NDST3: variants seen among roughly 807,000 people sequenced by gnomAD.
NDST3 encodes the protein bifunctional heparan sulfate N-deacetylase/N-sulfotransferase 3.
Under a neutral mutation model 96.1 loss-of-function variants are expected in NDST3, and 58 were observed. That is an observed-to-expected ratio of 0.60 (90% CI 0.49 to 0.75). The LOEUF is 0.75. Ranked by LOEUF, NDST3 falls within the 30% of genes least tolerant of loss-of-function variation. The pLI is 0.00. For synonymous variants in NDST3, 333 were observed against 359.7 expected (o/e 0.93, Z 0.84); for missense variants, 788 against 1,034.2 (o/e 0.76, Z 3.27).
At chr4:118,166,790 T>C (rs1480440692) in intron 6 of NDST3, among the ~76,000 whole-genome samples, 7 of 151,886 alleles carry the variant, frequency 4.6e-5, no homozygotes, top group Admixed American at 2.0e-4. Flanking sequence ...TAATTAAGGA[T>C]AAAAATGTTA....
chr4:118,209,708 G>A (rs1738665867), intron 6 of NDST3, among the ~76,000 whole-genome samples: 2 of 152,168 alleles, frequency 1.3e-5, no homozygotes, highest in Non-Finnish European at 2.9e-5. Context: ...CCTCATCACT[G>A]TACCTTTGAA....
At chr4:118,110,966 T>C (rs1448332940) in intron 3 of NDST3, among the ~76,000 whole-genome samples, 4 of 152,134 alleles carry the variant, frequency 2.6e-5, no homozygotes, top group Non-Finnish European at 5.9e-5. Flanking sequence ...ATATACTCCA[T>C]GGAATACTAC....
intron 6 of NDST3, chr4:118,193,646 A>T: frequency 7.7e-7 from 1 of 1,297,966 alleles, no homozygotes; most frequent in Non-Finnish European, 1.1e-6. Context: ...GAGCTGCAAG[A>T]CCTTCTGGAA....
chr4:118,093,671 A>G (rs1447435470), intron 2 of NDST3, among the ~76,000 whole-genome samples: 2 of 151,870 alleles, frequency 1.3e-5, no homozygotes, highest in African/African-American at 4.8e-5. Flanking sequence ...CTAATCTGCT[A>G]TATTCTTGGA....
At chr4:118,117,184 A>G (rs769283217) in intron 4 of NDST3, among the ~76,000 whole-genome samples, 3 of 152,184 alleles carry the variant, frequency 2.0e-5, no homozygotes, top group Non-Finnish European at 4.4e-5. Flanking sequence ...TTGTTGCAAG[A>G]GGATAGATAT....
intron 2 of NDST3, among the ~76,000 whole-genome samples, chr4:118,085,072 G>C (rs1381548938): frequency 1.3e-5 from 2 of 152,094 alleles, no homozygotes; most frequent in African/African-American, 2.4e-5. Flanking sequence ...GCAGTGAGCT[G>C]AGATCACGCT....
At chr4:118,230,680 C>G (rs962306524) in intron 8 of NDST3, among the ~76,000 whole-genome samples, 2 of 152,114 alleles carry the variant, frequency 1.3e-5, no homozygotes, top group Non-Finnish European at 2.9e-5. Context: ...CCAGATGAAT[C>G]TGATACATGC....
intron 4 of NDST3, among the ~76,000 whole-genome samples, chr4:118,126,537 C>CATATATATATATATACACATATATAT (rs1553933946): frequency 6.3e-3 from 127 of 20,314 alleles, no homozygotes; most frequent in African/African-American, 8.0e-3. Context: ...TATATATACA[C>CATATATATATATATACACATATATAT]ATATATATAT....
chr4:118,232,970 G>A (rs1740406508), intron 8 of NDST3, 42 bp from the exon 9 acceptor site: 7 of 1,576,812 alleles, frequency 4.4e-6, no homozygotes. Flanking sequence ...AGGAAATTGT[G>A]TTTTCATTTA....
At chr4:118,222,298 T>C (rs994346297) in intron 6 of NDST3, among the ~76,000 whole-genome samples, 17 of 151,938 alleles carry the variant, frequency 1.1e-4, no homozygotes, top group African/African-American at 3.9e-4. Flanking sequence ...TGTTCCTTAA[T>C]GTGCATACCT....
intron 5 of NDST3, among the ~76,000 whole-genome samples, chr4:118,143,177 A>G (rs1733689713): frequency 6.6e-6 from 1 of 152,224 alleles, no homozygotes; most frequent in South Asian, 2.1e-4. Flanking sequence ...ATTATTGCCT[A>G]TTAAGATTAC....
rs1730011281 is a variant in NDST3 at position 118,104,488 on chromosome 4, T to C, written c.982-530T>C. On this transcript the variant is annotated intron_variant, in intron 2 of 13. Transcript: ENST00000296499. ...AGAAGTAGGATATTTTATTAGTCTG[T>C]TTTTTAATGAAAGGGCAAATTAGAG... Among the ~76,000 whole-genome samples, 4 of 152,190 alleles carry C rather than the reference T, an allele frequency of 2.6e-5. No homozygotes were observed. The South Asian group carries it at 8.3e-4, about 31-fold the overall frequency.
intron 12 of NDST3, among the ~76,000 whole-genome samples, chr4:118,248,605 G>A (rs950571125): frequency 2.0e-5 from 3 of 152,098 alleles, no homozygotes; most frequent in Non-Finnish European, 2.9e-5. Flanking sequence ...CCCTAGAAGC[G>A]GACACTAAAC....
At chr4:118,241,264 A>G (rs150208786) in intron 11 of NDST3, among the ~76,000 whole-genome samples, 31 of 152,118 alleles carry the variant, frequency 2.0e-4, no homozygotes, top group African/African-American at 7.0e-4. Flanking sequence ...TTAAAATCAA[A>G]TAAAATGAAA....
chr4:118,088,374 A>T (rs1728600347), intron 2 of NDST3, among the ~76,000 whole-genome samples: 1 of 152,042 alleles, frequency 6.6e-6, no homozygotes, highest in African/African-American at 2.4e-5. Context: ...ATCTAAAGGT[A>T]TTTATTGTGG....
At chr4:118,253,448 G>T in intron 12 of NDST3, 51 bp from the exon 13 acceptor site, 1 of 1,224,132 alleles carries the variant, frequency 8.2e-7, no homozygotes, top group South Asian at 1.3e-5. Flanking sequence ...CATATAAATT[G>T]GTTGAAAAAT....
intron 6 of NDST3, among the ~76,000 whole-genome samples, chr4:118,213,396 A>G (rs1277015585): frequency 6.6e-6 from 1 of 152,128 alleles, no homozygotes; most frequent in African/African-American, 2.4e-5. Context: ...AATTTCATCC[A>G]CTTCTAAAAA....
chr4:118,195,264 A>T (rs10014402), intron 6 of NDST3, among the ~76,000 whole-genome samples: 3,833 of 152,236 alleles, frequency 0.025, 63 homozygotes, highest in African/African-American at 0.037. Context: ...CCCTACCCAA[A>T]TCTCACCTTG....
intron 4 of NDST3, among the ~76,000 whole-genome samples, chr4:118,121,756 T>C (rs868286977): frequency 2.0e-5 from 3 of 152,210 alleles, no homozygotes; most frequent in Non-Finnish European, 4.4e-5. Context: ...GTGTATCTCT[T>C]TAAACTTTTT....
Sources: gnomAD v4.1 joint callset for allele counts (sites outside exome capture counted in the v4.1 genomes callset) on GRCh38, gnomAD v4.1.1 for gene constraint, MANE v1.5 for transcripts, NCBI Gene and HGNC (gene_info 2026-07-23, HGNC 2026-07-21) for gene names.